Variants in EBF3 observed in about 807,000 individuals in gnomAD.
EBF3 encodes the protein transcription factor COE3.
EBF3 carries 18 observed loss-of-function variants against 77.1 expected under a neutral mutation model. The observed-to-expected ratio is 0.23, with a 90% CI of 0.16 to 0.35. The LOEUF (loss-of-function observed/expected upper bound fraction) is 0.35. Ranked by LOEUF, EBF3 falls within the 10% of genes least tolerant of loss-of-function variation. The pLI, the probability that EBF3 is intolerant of heterozygous loss-of-function variation, is 1.00. For missense variants in EBF3, 558 were observed against 860.0 expected, an observed-to-expected ratio of 0.65 and a Z score of 4.39; for synonymous variants, 350 against 343.5, an observed-to-expected ratio of 1.02 and a Z score of -0.21.
chr10:129,867,438 T>C (rs1184334972), intron 9 of EBF3, among the ~76,000 whole-genome samples, 171 bp from the exon 10 acceptor site: 1 of 152,112 alleles, frequency 6.6e-6, no homozygotes, highest in Non-Finnish European at 1.5e-5. Context: ...TTAAGAAAAA[T>C]ATCTGCAAAT....
rs376757984 is a variant in EBF3, at chr10:129,841,015, T to C, written c.1390A>G (p.Thr464Ala). 1.2e-5 allele frequency: 19 copies of C among 1,608,468 alleles called. No individual in the cohort carries two copies. The highest frequency in any genetic ancestry group is 1.5e-5 in the Non-Finnish European group (18 of 1,178,128). Reference protein sequence around the residue: ...ANDQVGYSRNTSSVSPRGYVP... With the variant: ...ANDQVGYSRNASSVSPRGYVP... ...TAGCCTCGCGGGGACACGCTGCTTG[T>C]ATTGCGACTGTAGCCGACTGTTGAA... Residue 464 changes from threonine (T) to alanine (A), a missense_variant, in exon 14 of 17, where the codon ACA becomes GCA. By Grantham distance (58) the Thr-to-Ala change is moderately conservative. Coordinates refer to ENST00000440978, the MANE Select transcript of EBF3 (RefSeq NM_001375380.1). This position sits in a 1 kb window ranked among gnomAD's most constrained non-coding sequence, Gnocchi z 4.6.
At chr10:129,959,634 G>A (rs1859333360) in intron 4 of EBF3, among the ~76,000 whole-genome samples, 1 of 151,974 alleles carries the variant, frequency 6.6e-6, no homozygotes, top group Non-Finnish European at 1.5e-5. Context: ...GCGCCCGCGG[G>A]GAGCAGGCCG....
chr10:129,881,215 T>A (rs979351819), intron 6 of EBF3, among the ~76,000 whole-genome samples: 3 of 152,188 alleles, frequency 2.0e-5, no homozygotes, highest in Non-Finnish European at 4.4e-5. Context: ...GATTTGCTGC[T>A]CCATCACGAA....
chr10:129,894,611 G>A (rs1363482017), intron 6 of EBF3, among the ~76,000 whole-genome samples: 1 of 152,128 alleles, frequency 6.6e-6, no homozygotes, highest in Non-Finnish European at 1.5e-5. Flanking sequence ...CACTGACCAG[G>A]CTCTCCATTG....
intron 10 of EBF3, among the ~76,000 whole-genome samples, chr10:129,857,649 A>G (rs1851346348): frequency 2.6e-5 from 4 of 152,162 alleles, no homozygotes; most frequent in Admixed American, 6.5e-5. Flanking sequence ...TGTGATAGCA[A>G]ATGTGGCTTC....
intron 6 of EBF3, among the ~76,000 whole-genome samples, chr10:129,930,027 G>A (rs1336196462): frequency 6.6e-6 from 1 of 152,142 alleles, no homozygotes; most frequent in Non-Finnish European, 1.5e-5. Context: ...GAGGAAAGGT[G>A]AGTGTCTCCC....
At chr10:129,940,080 G>A (rs557065989) in intron 6 of EBF3, among the ~76,000 whole-genome samples, 13 of 152,354 alleles carry the variant, frequency 8.5e-5, no homozygotes, top group Non-Finnish European at 1.5e-4. Context: ...GCACAATGGC[G>A]TGAGCTCACC....
intron 6 of EBF3, among the ~76,000 whole-genome samples, chr10:129,893,992 C>T (rs891840337): frequency 6.6e-6 from 1 of 152,184 alleles, no homozygotes; most frequent in Non-Finnish European, 1.5e-5. Context: ...GCCCCACTCC[C>T]CAACTCGTGT....
chr10:129,891,983 C>G (rs556651863), intron 6 of EBF3, among the ~76,000 whole-genome samples: 1 of 152,364 alleles, frequency 6.6e-6, no homozygotes, highest in Non-Finnish European at 1.5e-5. Context: ...TTCCTCTCAG[C>G]TGACCTGCAG....
chr10:129,961,668 A>G (rs751602773), intron 4 of EBF3, among the ~76,000 whole-genome samples: 123 of 152,278 alleles, frequency 8.1e-4, no homozygotes, highest in Admixed American at 1.6e-3. Context: ...CTAGAGGAGA[A>G]CAAGGTGACT....
intron 6 of EBF3, among the ~76,000 whole-genome samples, chr10:129,916,309 A>G (rs1207279035): frequency 6.6e-6 from 1 of 152,184 alleles, no homozygotes; most frequent in Non-Finnish European, 1.5e-5. Context: ...GTTCCTCGTG[A>G]GCCTCAGGCT....
intron 6 of EBF3, among the ~76,000 whole-genome samples, chr10:129,907,585 G>A (rs965938159): frequency 7.9e-5 from 12 of 152,112 alleles, no homozygotes; most frequent in Admixed American, 2.0e-4. Flanking sequence ...CTTCCTGGCC[G>A]CAGCACCAAG....
At position 129,839,261 on chromosome 10, in the gene EBF3, G is replaced by T; in HGVS notation, c.1760-66C>A. On this transcript the variant is annotated intron_variant, in intron 15 of 16. Transcript: ENST00000440978. Reference sequence around the variant, plus strand: ...GTTCATGTTTCTAAAGGAGTAACTGGATTTGAGTCACTGGGAGGAGCATAT... The same window carrying T: ...GTTCATGTTTCTAAAGGAGTAACTGTATTTGAGTCACTGGGAGGAGCATAT... The T allele has an allele frequency of 3.9e-6, 3 of 763,332 alleles. No individual in the cohort carries two copies. In the Admixed American group the frequency reaches 7.1e-5, roughly 18 times the overall value. The allele number at this position is 763,332 out of a possible 1,614,324, so 47.3% of individuals were successfully genotyped here. A position where few individuals can be genotyped will look rare whatever the true frequency, so the allele number is the denominator to read the frequency against.
intron 5 of EBF3, among the ~76,000 whole-genome samples, chr10:129,958,267 A>T (rs1333537312): frequency 6.6e-6 from 1 of 152,248 alleles, no homozygotes; most frequent in Non-Finnish European, 1.5e-5. Flanking sequence ...TGTAGCCTGG[A>T]AGCCTGCAAC....
At chr10:129,887,811 G>A (rs1011779492) in intron 6 of EBF3, among the ~76,000 whole-genome samples, 3 of 152,112 alleles carry the variant, frequency 2.0e-5, no homozygotes, top group African/African-American at 7.2e-5. Flanking sequence ...AAGAAGAGAG[G>A]CGCCGCGGCC....
At chr10:129,918,186 C>T (rs1197519011) in intron 6 of EBF3, among the ~76,000 whole-genome samples, 1 of 152,246 alleles carries the variant, frequency 6.6e-6, no homozygotes, top group Non-Finnish European at 1.5e-5. Flanking sequence ...GGCTCCCAGC[C>T]TGGCATTTTT....
intron 7 of EBF3, among the ~76,000 whole-genome samples, chr10:129,877,280 C>T (rs1852851597): frequency 6.6e-6 from 1 of 152,070 alleles, no homozygotes; most frequent in South Asian, 2.1e-4. Context: ...TACTTGAGGT[C>T]AGGAGCTTGA....
At chr10:129,926,281 G>A (rs1291159326) in intron 6 of EBF3, among the ~76,000 whole-genome samples, 1 of 152,216 alleles carries the variant, frequency 6.6e-6, no homozygotes, top group African/African-American at 2.4e-5. Context: ...GCCCGCAAGA[G>A]CATGGACTCC....
rs112709991 is a variant in EBF3, at chr10:129,910,655, C to T, written c.555-32806G>A. ...CTCCTACGCTCCCTGCTGTGGGTCC[C>T]CCCTTCTTTTCCCCATCACCTCCCC... On this transcript the variant is annotated intron_variant, in intron 6 of 16. Coordinates refer to ENST00000440978, the MANE Select transcript of EBF3 (RefSeq NM_001375380.1). Among the ~76,000 whole-genome samples the T allele has an allele frequency of 1.1e-4, 17 of 152,186 alleles. 1 individual carries two copies. Among genetic ancestry groups the T allele is most frequent in the African/African-American group, 4.1e-4 (17 of 41,506 alleles).
Sources: allele counts gnomAD v4.1 joint callset (sites outside exome capture counted in the v4.1 genomes callset), GRCh38; gene constraint gnomAD v4.1.1; non-coding constraint Gnocchi (gnomAD v3.1); transcripts MANE v1.5; gene names NCBI Gene and HGNC (gene_info 2026-07-23, HGNC 2026-07-21).